The following PPAT variants were observed in gnomAD, a reference collection of about 807,000 sequenced individuals.
The protein encoded by PPAT is phosphoribosyl pyrophosphate amidotransferase.
In PPAT, 20 loss-of-function variants were observed where a neutral mutation model predicts 60.2. The ratio of observed to expected loss-of-function variants is 0.33; its 90% confidence interval spans 0.23 to 0.48. The LOEUF (loss-of-function observed/expected upper bound fraction) is 0.48, where lower values mean the gene tolerates loss of function less well. Among genes scored for constraint, PPAT ranks in the 20% least tolerant of loss-of-function variants. The pLI is 0.99. For missense variants in PPAT, 349 were observed against 629.6 expected (o/e 0.55, Z 4.77); for synonymous variants, 194 against 215.1 (o/e 0.90, Z 0.86).
intron 1 of PPAT, among the ~76,000 whole-genome samples, chr4:56,412,853 T>C (rs114110495): frequency 1.0e-3 from 154 of 152,314 alleles, no homozygotes; most frequent in African/African-American, 3.6e-3. Context: ...CTTTCCACAA[T>C]ACCACTAGTT....
intron 1 of PPAT, chr4:56,422,725 C>T (rs936625142): frequency 2.6e-5 from 4 of 152,024 alleles, no homozygotes; most frequent in African/African-American, 9.7e-5. Context: ...TTAATAGACG[C>T]TACCATACCT....
chr4:56,395,272 C>A lies in PPAT; in HGVS notation c.*80G>T. 1 of 1,194,516 alleles carries A rather than the reference C, an allele frequency of 8.4e-7. No individual in the cohort carries two copies. Among genetic ancestry groups the A allele is most frequent in the South Asian group, 1.5e-5 (1 of 68,604 alleles). 74.0% of individuals were successfully genotyped at this position (1,194,516 alleles called of 1,614,324 possible). A position where few individuals can be genotyped will look rare whatever the true frequency, so the allele number is the denominator to read the frequency against. On this transcript the variant is annotated 3_prime_UTR_variant, in exon 11 of 11. Transcript: ENST00000264220. ...ATTTTACATTGTACCAACTGAGTAACAGTAAATAGATGAGGTGTGACCACT... is the reference window on the plus strand; with the variant it reads ...ATTTTACATTGTACCAACTGAGTAAAAGTAAATAGATGAGGTGTGACCACT...
At chr4:56,407,819 G>A (rs1334710978) in intron 1 of PPAT, 103 bp from the exon 2 acceptor site, 2 of 865,426 alleles carry the variant, frequency 2.3e-6, no homozygotes, top group Non-Finnish European at 3.9e-6. Flanking sequence ...TGAACTTAGT[G>A]TGACAACACA....
chr4:56,422,627 G>C (rs1296078055), intron 1 of PPAT: 1 of 152,004 alleles, frequency 6.6e-6, no homozygotes, highest in African/African-American at 2.4e-5. Context: ...GATGTATTTG[G>C]AGACAGGGCC....
intron 1 of PPAT, among the ~76,000 whole-genome samples, chr4:56,419,034 C>T (rs1716910893): frequency 1.3e-5 from 2 of 152,194 alleles, no homozygotes; most frequent in Admixed American, 6.5e-5. Context: ...CTTCCAAGCC[C>T]TCAGCTCATG....
Position 56,406,624 on chromosome 4 carries a change from G to A in PPAT, c.273C>T (p.His91=), listed in dbSNP as rs1487115577. ...ATTTTCCTGTGGTGGCATACCTGGT[G>A]TGTCCAATTCCAAGATTTGAAACAT... The part of the protein sequence containing the change: ...KLYVSNLGIG[H]TRYATTGKCE... The change falls in exon 3 of 11, where the codon CAC becomes CAT. Residue 91 remains histidine (H), a synonymous_variant. Transcript: ENST00000264220. 3.1e-6 allele frequency: 5 copies of A among 1,613,070 alleles called. No individual in the cohort carries two copies. The highest frequency in any genetic ancestry group is 1.1e-5 in the South Asian group (1 of 91,050).
intron 1 of PPAT, among the ~76,000 whole-genome samples, chr4:56,412,034 T>C (rs532866801): frequency 6.6e-6 from 1 of 152,318 alleles, no homozygotes; most frequent in East Asian, 1.9e-4. Context: ...CCTTCGACTC[T>C]TCATTATTTA....
At chr4:56,424,751 A>G (rs1578134118) in intron 1 of PPAT, among the ~76,000 whole-genome samples, 1 of 152,200 alleles carries the variant, frequency 6.6e-6, no homozygotes, top group African/African-American at 2.4e-5. Flanking sequence ...CTTATCACCT[A>G]CCTGTCTCTT....
At chr4:56,402,051 TA>T (rs1399200613) in intron 6 of PPAT, 57 bp downstream of exon 6, 46 of 1,344,234 alleles carry the variant, frequency 3.4e-5, no homozygotes, top group Non-Finnish European at 4.1e-5. Flanking sequence ...AGAAACTGTC[TA>T]AAAAAAATTC....
chr4:56,427,947 ATGCCCAC>A (rs1317430825), intron 1 of PPAT, among the ~76,000 whole-genome samples: 1 of 152,228 alleles, frequency 6.6e-6, no homozygotes, highest in African/African-American at 2.4e-5. Flanking sequence ...GAAAATGTCT[ATGCCCAC>A]TTCTCACTAA....
At chr4:56,433,802 C>G (rs1451319566) in intron 1 of PPAT, among the ~76,000 whole-genome samples, 1 of 151,798 alleles carries the variant, frequency 6.6e-6, no homozygotes, top group Non-Finnish European at 1.5e-5. Context: ...TCAAGCGATT[C>G]TCCTGCCTCA....
chr4:56,401,942 C>T (rs991039303), intron 6 of PPAT, among the ~76,000 whole-genome samples, 167 bp downstream of exon 6: 2 of 152,144 alleles, frequency 1.3e-5, no homozygotes, highest in East Asian at 1.9e-4. Flanking sequence ...GAACATTAAA[C>T]TCAGTGCAAC....
intron 1 of PPAT, chr4:56,419,761 G>C (rs1185177268): frequency 3.0e-6 from 3 of 984,812 alleles, no homozygotes; most frequent in Non-Finnish European, 3.6e-6. Flanking sequence ...CAACTAGAGG[G>C]AACAGTGAGA....
intron 1 of PPAT, among the ~76,000 whole-genome samples, chr4:56,426,401 C>CAA (rs113640946): frequency 3.6e-5 from 5 of 140,276 alleles, no homozygotes; most frequent in African/African-American, 1.0e-4. Context: ...GACTCTGTCT[C>CAA]AAAAAAAAAA....
chr4:56,410,540 T>C, intron 1 of PPAT: 1 of 986,786 alleles, frequency 1.0e-6, no homozygotes, highest in Non-Finnish European at 1.2e-6. Flanking sequence ...AGGAAAGCAC[T>C]GGACTGAGGA....
chr4:56,433,251 T>C (rs1370935470), intron 1 of PPAT, among the ~76,000 whole-genome samples: 1 of 151,906 alleles, frequency 6.6e-6, no homozygotes, highest in Non-Finnish European at 1.5e-5. Context: ...AATGTTAAAT[T>C]GTTTTTCAGT....
chr4:56,405,666 T>G (rs1334112551), intron 3 of PPAT, among the ~76,000 whole-genome samples: 7 of 152,232 alleles, frequency 4.6e-5, no homozygotes, highest in Non-Finnish European at 1.0e-4. Context: ...CACTTGGAGA[T>G]GCCTGGAGGG....
intron 1 of PPAT, among the ~76,000 whole-genome samples, chr4:56,423,734 A>G (rs1717155357): frequency 6.6e-6 from 1 of 152,100 alleles, no homozygotes; most frequent in Non-Finnish European, 1.5e-5. Flanking sequence ...GTGAAACAGG[A>G]CAAATGCATA....
In PPAT at chr4:56,396,589, A is replaced by G. The variant is rs751646898; in HGVS notation, c.1357+30T>C. The G allele has an allele frequency of 6.4e-7, 1 of 1,573,850 alleles. No individual in the cohort carries two copies. The highest frequency in any genetic ancestry group is 8.7e-7 in the Non-Finnish European group (1 of 1,150,044). ...AAGCTTTGGATTTTCTCTGTTAATA[A>G]TCAAAGTTTATAGAAATTTTAATAC... On this transcript the variant is annotated intron_variant, in intron 10 of 10. Transcript: ENST00000264220. This position sits in a 1 kb window ranked among gnomAD's most constrained non-coding sequence, Gnocchi z 4.6.
Sources: allele counts gnomAD v4.1 joint callset (sites outside exome capture counted in the v4.1 genomes callset), GRCh38; gene constraint gnomAD v4.1.1; non-coding constraint Gnocchi (gnomAD v3.1); transcripts MANE v1.5; gene names NCBI Gene and HGNC (gene_info 2026-07-23, HGNC 2026-07-21).